Variants in RBAK observed in about 807,000 individuals in gnomAD.
The protein encoded by RBAK is RB-associated KRAB zinc finger protein.
Under a neutral mutation model 65.8 loss-of-function variants are expected in RBAK, and 39 were observed. The ratio of observed to expected loss-of-function variants is 0.59; its 90% confidence interval spans 0.46 to 0.77. RBAK has a LOEUF of 0.77. RBAK is among the 30% of genes least tolerant of loss of function. The pLI is 0.00. For missense variants in RBAK, 884 were observed against 855.1 expected (o/e 1.03, Z -0.42); for synonymous variants, 343 against 289.7 (o/e 1.18, Z -1.87).
rs1464817743 is a variant in RBAK, at chr7:5,048,084, C to T, written c.8C>T (p.Thr3Ile). 6.3e-7 allele frequency: 1 copy of T among 1,595,986 alleles called. No homozygotes were observed. The highest frequency in any genetic ancestry group is 1.4e-5 in the African/African-American group (1 of 73,598). Residue 3 changes from threonine (T) to isoleucine (I), a missense_variant, in exon 2 of 5, where the codon ACA becomes ATA. Thr to Ile is a moderately conservative substitution (Grantham distance 89). Coordinates refer to ENST00000396912, the MANE Select transcript of RBAK (RefSeq NM_021163.4). This position sits in a 1 kb window ranked among gnomAD's most constrained non-coding sequence, Gnocchi z 4.4. Reference protein sequence around the residue: MNTLQGPVSFKDV... With the variant: MNILQGPVSFKDV... ...TTCCAAGAGCAGCAGAAAATGAACACATTGCAGGTGAGTTTTCATGCTTGT... is the reference window on the plus strand; with the variant it reads ...TTCCAAGAGCAGCAGAAAATGAACATATTGCAGGTGAGTTTTCATGCTTGT...
intron 2 of RBAK, among the ~76,000 whole-genome samples, chr7:5,049,455 C>T (rs1484668567): frequency 6.6e-6 from 1 of 152,188 alleles, no homozygotes; most frequent in Non-Finnish European, 1.5e-5. Flanking sequence ...TTCTGTTTCT[C>T]ATTTCAGTTC....
chr7:5,061,759 G>A (rs184852554), intron 4 of RBAK, among the ~76,000 whole-genome samples: 30 of 151,938 alleles, frequency 2.0e-4, no homozygotes, highest in Admixed American at 1.5e-3. Flanking sequence ...TTAGCTGGGT[G>A]CGGTGGCGTG....
At chr7:5,057,656 CA>C in intron 3 of RBAK, 27 bp from the exon 4 acceptor site, 1 of 1,613,248 alleles carries the variant, frequency 6.2e-7, no homozygotes, top group Non-Finnish European at 8.5e-7. Context: ...GCAGCTTCCC[CA>C]AGTCCTCCTT....
At position 5,068,153 on chromosome 7, in the gene RBAK, T is replaced by A. The variant is rs1779266984; in HGVS notation, c.*2552T>A. 1 of 152,100 alleles carries A rather than the reference T, an allele frequency of 6.6e-6. No homozygotes were observed. The highest frequency in any genetic ancestry group is 1.5e-5 in the Non-Finnish European group (1 of 68,042). 9.4% of individuals were successfully genotyped at this position (152,100 alleles called of 1,614,324 possible). ...ACAGCACCGAGTATAGCAGAAGTGTTGGCAAACTTTATAAAGCAAGGCACC... is the reference window on the plus strand; with the variant it reads ...ACAGCACCGAGTATAGCAGAAGTGTAGGCAAACTTTATAAAGCAAGGCACC... On this transcript the variant is annotated 3_prime_UTR_variant, in exon 5 of 5. Coordinates refer to ENST00000396912, the MANE Select transcript of RBAK (RefSeq NM_021163.4).
At chr7:5,061,620 G>A (rs1042991358) in intron 4 of RBAK, among the ~76,000 whole-genome samples, 9 of 150,910 alleles carry the variant, frequency 6.0e-5, no homozygotes, top group African/African-American at 1.7e-4. Flanking sequence ...TTCCCTGGCC[G>A]GCCACGGTGG....
In RBAK at chr7:5,065,444, A is replaced by G; in HGVS notation, c.1988A>G (p.Lys663Arg). 6.2e-7 allele frequency: 1 copy of G among 1,613,936 alleles called. No homozygotes were observed. Among genetic ancestry groups the G allele is most frequent in the Non-Finnish European group, 8.5e-7 (1 of 1,179,850 alleles). The part of the protein sequence containing the change: ...CNECGKVFSQ[K>R]SYLTVHYRTH... Reference sequence around the variant, plus strand: ...GAATGTGGGAAAGTCTTTTCTCAGAAGTCATACCTCACTGTACACTATAGA... The same window carrying G: ...GAATGTGGGAAAGTCTTTTCTCAGAGGTCATACCTCACTGTACACTATAGA... Residue 663 changes from lysine to arginine, a missense_variant, in exon 5 of 5, where the codon AAG becomes AGG. Transcript: ENST00000396912. The surrounding 1 kb of genome is among the most constrained non-coding windows in gnomAD (Gnocchi z 5.3).
chr7:5,051,722 G>A (rs1788121739), intron 2 of RBAK, among the ~76,000 whole-genome samples: 1 of 152,062 alleles, frequency 6.6e-6, no homozygotes, highest in Admixed American at 6.6e-5. Context: ...TTTAAATTTA[G>A]GTTTCCCTGA....
At chr7:5,061,026 A>G (rs1344157717) in intron 4 of RBAK, among the ~76,000 whole-genome samples, 3 of 152,256 alleles carry the variant, frequency 2.0e-5, no homozygotes, top group African/African-American at 7.2e-5. Flanking sequence ...TCTTGTTTGT[A>G]TTCAGAATTA....
chr7:5,049,608 C>T (rs1041530029), intron 2 of RBAK, among the ~76,000 whole-genome samples: 3 of 152,178 alleles, frequency 2.0e-5, no homozygotes, highest in African/African-American at 7.2e-5. Flanking sequence ...CTGTTACTTC[C>T]AAACTGATAC....
At chr7:5,046,686 C>T (rs909020120) in intron 1 of RBAK, among the ~76,000 whole-genome samples, 1 of 152,202 alleles carries the variant, frequency 6.6e-6, no homozygotes, top group Non-Finnish European at 1.5e-5. Flanking sequence ...CTCCAGATTT[C>T]GACCTCCTCT....
intron 4 of RBAK, among the ~76,000 whole-genome samples, chr7:5,058,985 A>T (rs1779004738): frequency 6.6e-6 from 1 of 152,164 alleles, no homozygotes; most frequent in African/African-American, 2.4e-5. Flanking sequence ...TACCAGGGAG[A>T]TAGTTCACTT....
At position 5,065,217 on chromosome 7, in the gene RBAK, A is replaced by G; in HGVS notation, c.1761A>G (p.Arg587=). 1.9e-6 allele frequency: 3 copies of G among 1,613,628 alleles called. No homozygotes were observed. Among genetic ancestry groups the G allele is most frequent in the South Asian group, 1.1e-5 (1 of 90,974 alleles). Reference sequence around the variant, plus strand: ...ATTCATCCCTCTTCAGACATCAAAGAGTACACACAGGCGAGAAACCCTATG... The same window carrying G: ...ATTCATCCCTCTTCAGACATCAAAGGGTACACACAGGCGAGAAACCCTATG... ...SHNSSLFRHQ[R]VHTGEKPYEC... Residue 587 remains arginine, a synonymous_variant, in exon 5 of 5, where the codon AGA becomes AGG. Coordinates refer to ENST00000396912, the MANE Select transcript of RBAK (RefSeq NM_021163.4). This position sits in a 1 kb window ranked among gnomAD's most constrained non-coding sequence, Gnocchi z 5.3.
At chr7:5,060,723 A>G (rs1279530074) in intron 4 of RBAK, among the ~76,000 whole-genome samples, 1 of 152,258 alleles carries the variant, frequency 6.6e-6, no homozygotes, top group African/African-American at 2.4e-5. Flanking sequence ...AGATGTTGAC[A>G]GATTAGTGGA....
rs1353779643 is a variant in RBAK at position 5,067,293 on chromosome 7, A to G, written c.*1692A>G. On this transcript the variant is annotated 3_prime_UTR_variant, in exon 5 of 5. Transcript: ENST00000396912. ...ATATAAATCTCTATTTGCAGATGCC[A>G]TGAGTAAATTTGGTAAGTTCCCTGC... The G allele has an allele frequency of 1.3e-5, 2 of 152,208 alleles. No individual in the cohort carries two copies. Among genetic ancestry groups the G allele is most frequent in the African/African-American group, 4.8e-5 (2 of 41,472 alleles). 9.4% of individuals were successfully genotyped at this position (152,208 alleles called of 1,614,324 possible). A position where few individuals can be genotyped will look rare whatever the true frequency, so the allele number is the denominator to read the frequency against.
At chr7:5,049,538 C>A (rs1788069109) in intron 2 of RBAK, among the ~76,000 whole-genome samples, 1 of 152,156 alleles carries the variant, frequency 6.6e-6, no homozygotes, top group Admixed American at 6.5e-5. Flanking sequence ...TCATTGCAGT[C>A]AAATCCAGAG....
chr7:5,065,901 GC>G lies in RBAK; in HGVS notation c.*301del, dbSNP rs1465335982. Reference sequence around the variant, plus strand: ...TTACATATCAGGGAATCATACAAAGGCAAAATCTGTCAATATGGTGAATGTG... The same window carrying G: ...TTACATATCAGGGAATCATACAAAGGAAAATCTGTCAATATGGTGAATGTG... On this transcript the variant is annotated 3_prime_UTR_variant, in exon 5 of 5. Transcript: ENST00000396912. This position sits in a 1 kb window ranked among gnomAD's most constrained non-coding sequence, Gnocchi z 5.3. The G allele has an allele frequency of 5.1e-6, 1 of 195,504 alleles. No homozygotes were observed. The allele number at this position is 195,504 out of a possible 1,614,324, so 12.1% of individuals were successfully genotyped here.
intron 4 of RBAK, among the ~76,000 whole-genome samples, chr7:5,061,414 A>G (rs1456527956): frequency 2.0e-5 from 3 of 151,370 alleles, no homozygotes; most frequent in Non-Finnish European, 2.9e-5. Flanking sequence ...AAACACTTCA[A>G]AGATCTGATC....
At chr7:5,056,105 T>TC (rs1491091642) in intron 2 of RBAK, among the ~76,000 whole-genome samples, 7 of 79,696 alleles carry the variant, frequency 8.8e-5, no homozygotes, top group Non-Finnish European at 1.5e-4. Flanking sequence ...TGCATTTTTC[T>TC]TTTTTTTTTT....
At chr7:5,051,547 C>G (rs1023375062) in intron 2 of RBAK, among the ~76,000 whole-genome samples, 14 of 152,092 alleles carry the variant, frequency 9.2e-5, no homozygotes, top group African/African-American at 3.4e-4. Context: ...TTGCCAATTT[C>G]CCAATAATTT....
Sources: gnomAD v4.1 joint callset for allele counts (sites outside exome capture counted in the v4.1 genomes callset) on GRCh38, gnomAD v4.1.1 for gene constraint, Gnocchi (gnomAD v3.1) non-coding constraint, MANE v1.5 for transcripts, NCBI Gene and HGNC (gene_info 2026-07-23, HGNC 2026-07-21) for gene names.